The following PLXNA4 variants were observed in gnomAD, a reference collection of about 807,000 sequenced individuals.
The protein encoded by PLXNA4 is plexin A4, also known as plexin-A4.
Under a neutral mutation model 191.8 loss-of-function variants are expected in PLXNA4, and 44 were observed. The ratio of observed to expected loss-of-function variants is 0.23; its 90% CI spans 0.18 to 0.29. PLXNA4 has a LOEUF of 0.29. Among genes scored for constraint, PLXNA4 ranks in the 10% least tolerant of loss-of-function variants. The probability of loss-of-function intolerance (pLI) is 1.00; values close to 1 mark genes in which losing one functional copy is unlikely to be tolerated. For synonymous variants in PLXNA4, 1,082 were observed against 1,009.5 expected, an observed-to-expected ratio of 1.07 and a Z score of -1.36; for missense variants, 1,800 against 2,488.8, an observed-to-expected ratio of 0.72 and a Z score of 5.89.
chr7:132,577,509 G>A (rs113461988), upstream of PLXNA4, among the ~76,000 whole-genome samples: 1 of 151,632 alleles, frequency 6.6e-6, no homozygotes, highest in Non-Finnish European at 1.5e-5. Context: ...GACATCTAGA[G>A]CGAGGGAGAG....
At chr7:132,175,194 A>G (rs1441642463) in intron 20 of PLXNA4, among the ~76,000 whole-genome samples, 2 of 152,104 alleles carry the variant, frequency 1.3e-5, no homozygotes, top group African/African-American at 2.4e-5. Context: ...GAGGCTGTCC[A>G]CAGATCTGTG....
chr7:132,535,159 G>A lies in PLXNA4; in HGVS notation c.-86-26380C>T, dbSNP rs565216234. Among the ~76,000 whole-genome samples the A allele has an allele frequency of 5.9e-5, 9 of 152,172 alleles. No homozygotes were observed. In the South Asian group the frequency reaches 1.3e-3, roughly 21 times the overall value. On this transcript the variant is annotated intron_variant, in intron 1 of 31. Transcript: ENST00000321063. The stretch of plus-strand genomic sequence containing the variant: ...AACTTATCAGACCAGAAATCAACCC[G>A]TCTCCAAATAAAAAAGAAATCAAAA...
At chr7:132,217,291 G>A (rs1373759185) in intron 9 of PLXNA4, among the ~76,000 whole-genome samples, 1 of 152,204 alleles carries the variant, frequency 6.6e-6, no homozygotes, top group Non-Finnish European at 1.5e-5. Flanking sequence ...AGGCTTCATT[G>A]CATATTTAAA....
intron 13 of PLXNA4, 100 bp downstream of exon 13, chr7:132,198,385 C>A: frequency 6.8e-6 from 10 of 1,478,230 alleles, no homozygotes; most frequent in Non-Finnish European, 9.0e-6. Context: ...TTTTCCCCCA[C>A]AACAAGCTCT....
intron 3 of PLXNA4, among the ~76,000 whole-genome samples, chr7:132,361,661 C>T (rs1172288328): frequency 6.6e-6 from 1 of 152,102 alleles, no homozygotes; most frequent in Non-Finnish European, 1.5e-5. Context: ...GGAGTGAGGC[C>T]AGAAATTTGT....
chr7:132,556,826 G>C (rs542919404), intron 1 of PLXNA4, among the ~76,000 whole-genome samples: 66 of 152,190 alleles, frequency 4.3e-4, no homozygotes, highest in Non-Finnish European at 8.7e-4. Flanking sequence ...ACTTGTGAAG[G>C]TCAAATGAGA....
chr7:132,138,557 T>C (rs1795179228), intron 30 of PLXNA4, among the ~76,000 whole-genome samples: 1 of 152,182 alleles, frequency 6.6e-6, no homozygotes, highest in South Asian at 2.1e-4. Context: ...GCCCTGTCTG[T>C]GCTGTTTTCT....
chr7:132,160,355 C>T (rs1795913785), intron 24 of PLXNA4, among the ~76,000 whole-genome samples: 1 of 152,324 alleles, frequency 6.6e-6, no homozygotes, highest in Middle Eastern at 3.4e-3. Flanking sequence ...TAGTTCAGGG[C>T]CTCCATTTCT....
intron 3 of PLXNA4, among the ~76,000 whole-genome samples, chr7:132,455,068 A>G (rs1796263550): frequency 1.3e-5 from 2 of 152,228 alleles, no homozygotes; most frequent in African/African-American, 4.8e-5. Context: ...CTGACTGAGG[A>G]GGTTGGGAGA....
chr7:132,458,893 G>C (rs992426137), intron 3 of PLXNA4, among the ~76,000 whole-genome samples: 11 of 152,152 alleles, frequency 7.2e-5, no homozygotes, highest in African/African-American at 2.7e-4. Flanking sequence ...GTGGAGAGCT[G>C]GGCGAAATGC....
chr7:132,562,821 T>A (rs1249991164), intron 1 of PLXNA4, among the ~76,000 whole-genome samples: 1 of 117,258 alleles, frequency 8.5e-6, no homozygotes, highest in Non-Finnish European at 1.8e-5. Flanking sequence ...CTCCTTCTCC[T>A]CCTCCTTCTC....
intron 2 of PLXNA4, among the ~76,000 whole-genome samples, chr7:132,616,117 G>T (rs990816491): frequency 6.6e-6 from 1 of 152,016 alleles, no homozygotes; most frequent in Non-Finnish European, 1.5e-5. Context: ...CTTTCTCTTG[G>T]CTCTCCAGTC....
rs541375037 is a variant in PLXNA4, at chr7:132,521,689, C to A, written c.-86-12910G>T. Among the ~76,000 whole-genome samples, 9 of 152,286 alleles carry A rather than the reference C, an allele frequency of 5.9e-5. No homozygotes were observed. In the East Asian group the frequency reaches 1.7e-3, roughly 29 times the overall value. On this transcript the variant is annotated intron_variant, in intron 1 of 31. Coordinates refer to ENST00000321063, the MANE Select transcript of PLXNA4 (RefSeq NM_020911.2). ...CTGGGCAAGGAACAGGAAGTCTCAT[C>A]CCCTTCCTCCCCAACTTCACAAAAC...
intron 1 of PLXNA4, among the ~76,000 whole-genome samples, chr7:132,647,479 A>G (rs1803898202): frequency 6.6e-6 from 1 of 152,106 alleles, no homozygotes; most frequent in Non-Finnish European, 1.5e-5. Context: ...ATATACTCAC[A>G]TGTATATTCA....
chr7:132,276,660 T>G (rs1353281255), intron 4 of PLXNA4, among the ~76,000 whole-genome samples: 2 of 152,258 alleles, frequency 1.3e-5, no homozygotes, highest in Non-Finnish European at 2.9e-5. Context: ...GCCCTGTTAT[T>G]ATTATTTCTG....
intron 13 of PLXNA4, among the ~76,000 whole-genome samples, chr7:132,198,004 T>C (rs778575938): frequency 6.6e-6 from 1 of 152,208 alleles, no homozygotes; most frequent in Non-Finnish European, 1.5e-5. Context: ...TTTTGCTGAA[T>C]GACCCATTCA....
intron 1 of PLXNA4, among the ~76,000 whole-genome samples, chr7:132,543,367 G>T (rs1800163571): frequency 6.6e-6 from 1 of 152,148 alleles, no homozygotes; most frequent in South Asian, 2.1e-4. Context: ...TAGACCCTCG[G>T]CTGCCTCTTT....
At position 132,233,164 on chromosome 7, in the gene PLXNA4, C is replaced by T. The variant is rs568440123; in HGVS notation, c.1605-4695G>A. On this transcript the variant is annotated intron_variant, in intron 5 of 31. Transcript: ENST00000321063. ...AGAAAAGTTAAGATAATTTAGAATG[C>T]CTACTCACCTAGGAGATTATTGGAA... is the stretch of plus-strand genomic sequence containing the variant. Among the ~76,000 whole-genome samples the T allele has an allele frequency of 2.0e-5, 3 of 152,284 alleles. No individual in the cohort carries two copies. The South Asian group carries it at 6.2e-4, about 32-fold the overall frequency.
intron 4 of PLXNA4, among the ~76,000 whole-genome samples, chr7:132,278,639 C>A (rs373359239): frequency 6.6e-6 from 1 of 152,110 alleles, no homozygotes; most frequent in Non-Finnish European, 1.5e-5. Context: ...GACTTGCCAG[C>A]GGCTGCATGG....
Sources: gnomAD v4.1 joint callset for allele counts (sites outside exome capture counted in the v4.1 genomes callset) on GRCh38, gnomAD v4.1.1 for gene constraint, MANE v1.5 for transcripts, NCBI Gene and HGNC (gene_info 2026-07-23, HGNC 2026-07-21) for gene names.